The following ABL1 variants were observed in gnomAD, a reference collection of about 807,000 sequenced individuals.
ABL1 encodes the protein ABL proto-oncogene 1, non-receptor tyrosine kinase, also known as tyrosine-protein kinase ABL1.
In ABL1, 11 loss-of-function variants were observed where a neutral mutation model predicts 94.7. The ratio of observed to expected loss-of-function variants is 0.12; its 90% CI spans 0.07 to 0.19. The LOEUF is 0.19. ABL1 is among the 10% of genes least tolerant of loss of function. The pLI is 1.00. For synonymous variants in ABL1, 656 were observed against 622.4 expected (o/e 1.05, Z -0.80); for missense variants, 1,082 against 1,489.4 (o/e 0.73, Z 4.50).
chr9:130,751,403 A>C (rs891964543), intron 1 of ABL1, among the ~76,000 whole-genome samples: 20 of 152,034 alleles, frequency 1.3e-4, no homozygotes, highest in Non-Finnish European at 2.4e-4. Context: ...TTGGCCTCCC[A>C]AAGTGCTGGG....
chr9:130,723,143 C>T (rs555806518), intron 1 of ABL1, among the ~76,000 whole-genome samples: 8 of 152,238 alleles, frequency 5.3e-5, no homozygotes, highest in South Asian at 2.1e-4. Context: ...GGAGGTCTCC[C>T]GAAGGCCTTC....
intron 1 of ABL1, among the ~76,000 whole-genome samples, chr9:130,838,322 C>A (rs561447917): frequency 6.6e-6 from 1 of 152,292 alleles, no homozygotes; most frequent in African/African-American, 2.4e-5. Context: ...TCTCCAGAAA[C>A]TCCTCCAATT....
At chr9:130,845,432 TC>T (rs1163074366) in intron 1 of ABL1, among the ~76,000 whole-genome samples, 2 of 151,936 alleles carry the variant, frequency 1.3e-5, no homozygotes, top group African/African-American at 4.8e-5. Context: ...ACCTCCACCT[TC>T]CGGGTTCAAG....
chr9:130,791,364 T>G (rs187008794), intron 1 of ABL1, among the ~76,000 whole-genome samples: 1 of 152,116 alleles, frequency 6.6e-6, no homozygotes, highest in Non-Finnish European at 1.5e-5. Context: ...ACAAAAAGAA[T>G]TTACTGCTGA....
chr9:130,736,706 G>T (rs1831748906), intron 1 of ABL1, among the ~76,000 whole-genome samples: 1 of 152,124 alleles, frequency 6.6e-6, no homozygotes, highest in Non-Finnish European at 1.5e-5. Context: ...GGTCAGGCTG[G>T]TCTCAAACTT....
At chr9:130,831,150 C>A (rs1986209), upstream of ABL1, among the ~76,000 whole-genome samples, 1,564 of 152,248 alleles carry the variant, frequency 0.01, 28 homozygotes, top group Non-Finnish European at 0.012. Context: ...GTGCACATAC[C>A]TCAAGATCTT....
intron 10 of ABL1, among the ~76,000 whole-genome samples, chr9:130,881,863 C>T (rs1049132944): frequency 6.6e-5 from 9 of 137,328 alleles, no homozygotes; most frequent in South Asian, 2.2e-4. Context: ...AGTTTTATCA[C>T]GTACTCTCAT....
At chr9:130,867,552 G>C (rs1179265988) in intron 4 of ABL1, among the ~76,000 whole-genome samples, 1 of 152,216 alleles carries the variant, frequency 6.6e-6, no homozygotes, top group Non-Finnish European at 1.5e-5. Context: ...CAAGGAGTTT[G>C]TGTCATCAAT....
At chr9:130,771,782 C>G (rs1419858874) in intron 1 of ABL1, among the ~76,000 whole-genome samples, 1 of 65,140 alleles carries the variant, frequency 1.5e-5, no homozygotes, top group East Asian at 3.5e-4. Context: ...GAGACAGAGT[C>G]TTACTCTGTC....
In ABL1 at chr9:130,754,002, C is replaced by T. The variant is rs149928677; in HGVS notation, c.136+39547C>T. Among the ~76,000 whole-genome samples, 1,209 of 144,618 alleles carry T rather than the reference C, an allele frequency of 8.4e-3. 13 individuals carry two copies. Among genetic ancestry groups the T allele is most frequent in the African/African-American group, 0.029 (1,125 of 39,250 alleles). 94.9% of individuals were successfully genotyped at this position (144,618 alleles called of 152,430 possible). A position where few individuals can be genotyped will look rare whatever the true frequency, so the allele number is the denominator to read the frequency against. On this transcript the variant is annotated intron_variant, in intron 1 of 10. Transcript: ENST00000372348. The stretch of plus-strand genomic sequence containing the variant: ...GGGTGTATCACCTGGGTCAGGAGTT[C>T]GAGACCAGTCTGGCCAACATGGTGA...
At chr9:130,851,048 C>T (rs959452285) in intron 1 of ABL1, among the ~76,000 whole-genome samples, 4 of 151,588 alleles carry the variant, frequency 2.6e-5, no homozygotes, top group South Asian at 2.1e-4. Flanking sequence ...CTCAGCCTCC[C>T]GAGTAGCTGG....
At chr9:130,854,344 G>C in intron 2 of ABL1, 107 bp downstream of exon 2, 1 of 1,271,686 alleles carries the variant, frequency 7.9e-7, no homozygotes, top group Non-Finnish European at 1.1e-6. Context: ...TTGAAATCTG[G>C]ACTGCAGGGA....
At chr9:130,839,501 T>G (rs1037571195) in intron 1 of ABL1, among the ~76,000 whole-genome samples, 1 of 152,220 alleles carries the variant, frequency 6.6e-6, no homozygotes, top group Non-Finnish European at 1.5e-5. Flanking sequence ...CCATTTACAA[T>G]GTCACAGGCC....
intron 1 of ABL1, among the ~76,000 whole-genome samples, chr9:130,824,168 C>T (rs1188326179): frequency 6.6e-6 from 1 of 151,984 alleles, no homozygotes; most frequent in Non-Finnish European, 1.5e-5. Context: ...TTAAGAAGTC[C>T]CACAGTCTGC....
At chr9:130,723,842 C>T (rs926030960) in intron 1 of ABL1, among the ~76,000 whole-genome samples, 3 of 151,432 alleles carry the variant, frequency 2.0e-5, no homozygotes, top group Non-Finnish European at 4.4e-5. Flanking sequence ...GATGGAGTCT[C>T]GCTCTGTCAC....
At chr9:130,786,389 G>A (rs1227244636) in intron 1 of ABL1, among the ~76,000 whole-genome samples, 1 of 152,210 alleles carries the variant, frequency 6.6e-6, no homozygotes, top group Non-Finnish European at 1.5e-5. Context: ...CTGTGTGTGA[G>A]TTTGACCCTG....
At position 130,885,645 on chromosome 9, in the gene ABL1, A is replaced by G. The variant is rs751052534; in HGVS notation, c.3355A>G (p.Ser1119Gly). 8.1e-6 allele frequency: 13 copies of G among 1,612,940 alleles called. No individual in the cohort carries two copies. The highest frequency in any genetic ancestry group is 1.7e-6 in the Non-Finnish European group (2 of 1,179,776). The change falls in exon 11 of 11, where the codon AGT (serine) becomes GGT (glycine). Residue 1119 changes from serine to glycine, a missense_variant. Coordinates refer to ENST00000318560, the MANE Select transcript of ABL1 (RefSeq NM_005157.6). ...AATQDFSKLL[S>G]SVKEISDIVQ... ...CACTCAGGACTTCAGCAAGCTCCTC[A>G]GTTCGGTGAAGGAAATCAGTGACAT...
intron 1 of ABL1, among the ~76,000 whole-genome samples, chr9:130,800,928 CT>C (rs5900906): frequency 0.67 from 85,825 of 128,594 alleles, 26,051 homozygotes; most frequent in East Asian, 0.89. Context: ...TTTTTCTTTC[CT>C]TTTTTTTTTT....
intron 1 of ABL1, among the ~76,000 whole-genome samples, chr9:130,738,303 A>G (rs1263835240): frequency 6.6e-6 from 1 of 152,222 alleles, no homozygotes; most frequent in Non-Finnish European, 1.5e-5. Context: ...TAGTAGTAAC[A>G]GGTAACTTGG....
Sources: allele counts gnomAD v4.1 joint callset (sites outside exome capture counted in the v4.1 genomes callset), GRCh38; gene constraint gnomAD v4.1.1; transcripts MANE v1.5; gene names NCBI Gene and HGNC (gene_info 2026-07-23, HGNC 2026-07-21).